Variants in CCDC112 observed in about 807,000 individuals in gnomAD.
The protein encoded by CCDC112 is coiled-coil domain containing 112.
CCDC112 carries 40 observed loss-of-function variants against 66.3 expected under a neutral mutation model. The ratio of observed to expected loss-of-function variants is 0.60; its 90% CI spans 0.47 to 0.79. The LOEUF (loss-of-function observed/expected upper bound fraction) is 0.79. CCDC112 is among the 30% of genes least tolerant of loss of function. CCDC112 has a pLI of 0.00. For synonymous variants in CCDC112, 214 were observed against 197.2 expected (o/e 1.09, Z -0.71); for missense variants, 659 against 603.8 (o/e 1.09, Z -0.96).
At chr5:115,276,470 T>A (rs1241344659) in intron 4 of CCDC112, among the ~76,000 whole-genome samples, 1 of 152,170 alleles carries the variant, frequency 6.6e-6, no homozygotes, top group Admixed American at 6.5e-5. Flanking sequence ...GGTAGGGATA[T>A]AATTTGTGGG....
intron 2 of CCDC112, 69 bp from the exon 3 acceptor site, chr5:115,279,837 C>A: frequency 1.2e-6 from 1 of 836,518 alleles, no homozygotes; most frequent in Non-Finnish European, 1.8e-6. Flanking sequence ...AATATGAAGA[C>A]ACTCAATAAT....
chr5:115,270,210 G>C (rs1289119143), intron 7 of CCDC112, among the ~76,000 whole-genome samples: 1 of 151,858 alleles, frequency 6.6e-6, no homozygotes, highest in African/African-American at 2.4e-5. Context: ...TGTTACTTAG[G>C]AAGATTTTTA....
Position 115,296,605 on chromosome 5 carries a change from G to T in CCDC112, c.-62C>A. On this transcript the variant is annotated 5_prime_UTR_variant, in exon 1 of 10. Transcript: ENST00000379611. ...CGGTGCCTGGGGATTCGTGGCAGGC[G>T]CACCCTGGCCTCTGCAGACAGCTCC... is the stretch of plus-strand genomic sequence containing the variant. 6 of 1,401,798 alleles carry T rather than the reference G, an allele frequency of 4.3e-6. No individual in the cohort carries two copies. Among genetic ancestry groups the T allele is most frequent in the Non-Finnish European group, 5.5e-6 (6 of 1,081,900 alleles). The allele number at this position is 1,401,798 out of a possible 1,614,324, so 86.8% of individuals were successfully genotyped here.
chr5:115,290,754 A>AT (rs1427122491), intron 1 of CCDC112, among the ~76,000 whole-genome samples: 1 of 151,986 alleles, frequency 6.6e-6, no homozygotes, highest in Admixed American at 6.6e-5. Flanking sequence ...TATCAATGGT[A>AT]TTTTTTCTTA....
At chr5:115,285,567 A>G (rs898689117) in intron 1 of CCDC112, among the ~76,000 whole-genome samples, 3 of 152,074 alleles carry the variant, frequency 2.0e-5, no homozygotes, top group Admixed American at 6.5e-5. Flanking sequence ...AGAAAGGCCA[A>G]TTGTGTCATG....
At chr5:115,276,669 A>G (rs1293086372) in intron 4 of CCDC112, among the ~76,000 whole-genome samples, 2 of 152,072 alleles carry the variant, frequency 1.3e-5, no homozygotes, top group Admixed American at 6.6e-5. Flanking sequence ...TAGATTCCCA[A>G]TCCTGTAAAT....
In CCDC112 at chr5:115,267,890, G is replaced by A. The variant is rs1390923279; in HGVS notation, c.1576C>T (p.Gln526Ter). Residue 526 changes from glutamine (Q) to a stop codon, truncating the protein, a stop_gained, in exon 10 of 10, where the codon CAG (glutamine) becomes TAG (stop). Coordinates refer to ENST00000379611, the MANE Select transcript of CCDC112 (RefSeq NM_001040440.3). LOFTEE classifies it high-confidence loss of function. ...RAIPTWRQGI[Q>*]RRV Reference sequence around the variant, plus strand: ...ATTTGATTATCTCATACTCTTCTCTGTATTCCTTGTCTCCAGGTTGGAATA... The same window carrying A: ...ATTTGATTATCTCATACTCTTCTCTATATTCCTTGTCTCCAGGTTGGAATA... 33 of 1,610,958 alleles carry A rather than the reference G, an allele frequency of 2.0e-5. No homozygotes were observed. The highest frequency in any genetic ancestry group is 2.7e-5 in the African/African-American group (2 of 74,826).
chr5:115,290,282 TCTGCCCATAAAA>T lies in CCDC112; in HGVS notation c.118-5386_118-5375del, dbSNP rs376403799. ...TGTCTTGGCACCCTTTTGAAAATCA[TCTGCCCATAAAA>T]CTGTAGGTGTATGTCTTGACTCTCA... On this transcript the variant is annotated intron_variant, in intron 1 of 9. Transcript: ENST00000379611. Among the ~76,000 whole-genome samples the T allele has an allele frequency of 4.3e-3, 659 of 152,308 alleles. 7 individuals carry two copies. Among genetic ancestry groups the T allele is most frequent in the African/African-American group, 0.015 (633 of 41,534 alleles).
At chr5:115,272,179 T>C (rs1749033051) in intron 6 of CCDC112, among the ~76,000 whole-genome samples, 1 of 152,136 alleles carries the variant, frequency 6.6e-6, no homozygotes, top group African/African-American at 2.4e-5. Context: ...CACCTTGGCC[T>C]CCCAAAGTGC....
chr5:115,267,244 A>C lies in CCDC112; in HGVS notation c.*632T>G, dbSNP rs544585029. 6.6e-6 allele frequency: 1 copy of C among 152,374 alleles called. No homozygotes were observed. Among genetic ancestry groups the C allele is most frequent in the East Asian group, 1.9e-4 (1 of 5,192 alleles). The allele number at this position is 152,374 out of a possible 1,614,324, so 9.4% of individuals were successfully genotyped here. A position where few individuals can be genotyped will look rare whatever the true frequency, so the allele number is the denominator to read the frequency against. On this transcript the variant is annotated 3_prime_UTR_variant, in exon 10 of 10. Transcript: ENST00000379611. Reference sequence around the variant, plus strand: ...GTGAAATCCAGAAAGGCTGAAGGAAAATTTGGAATTGCTGAAGGAAACCAA... The same window carrying C: ...GTGAAATCCAGAAAGGCTGAAGGAACATTTGGAATTGCTGAAGGAAACCAA...
At chr5:115,274,262 T>TA (rs1448876465) in intron 6 of CCDC112, among the ~76,000 whole-genome samples, 1 of 152,182 alleles carries the variant, frequency 6.6e-6, no homozygotes, top group Non-Finnish European at 1.5e-5. Flanking sequence ...TGCCATCCTA[T>TA]AATGCACAGA....
At chr5:115,277,150 C>A in intron 3 of CCDC112, 96 bp from the exon 4 acceptor site, 8 of 664,468 alleles carry the variant, frequency 1.2e-5, no homozygotes, top group South Asian at 3.6e-5. Flanking sequence ...TTAGTAAAAG[C>A]CAAGAGCAAT....
chr5:115,295,816 C>G (rs907895278), intron 1 of CCDC112: 2 of 846,978 alleles, frequency 2.4e-6, no homozygotes, highest in Non-Finnish European at 2.8e-6. Flanking sequence ...AAAAATAAAA[C>G]CAGAAACAGG....
intron 6 of CCDC112, 27 bp downstream of exon 6, chr5:115,275,189 A>G (rs1304619153): frequency 1.3e-6 from 2 of 1,520,456 alleles, no homozygotes; most frequent in Non-Finnish European, 8.9e-7. Flanking sequence ...GAAACACAGA[A>G]TGAATAATAG....
intron 1 of CCDC112, among the ~76,000 whole-genome samples, chr5:115,287,012 T>G (rs1324869529): frequency 6.6e-6 from 1 of 152,184 alleles, no homozygotes. Flanking sequence ...ATACGACTTG[T>G]AAATATATCC....
chr5:115,285,146 A>G (rs899857296), intron 1 of CCDC112, among the ~76,000 whole-genome samples: 3 of 152,196 alleles, frequency 2.0e-5, no homozygotes, highest in Admixed American at 6.5e-5. Flanking sequence ...ATTATTTGCA[A>G]AATGATCTAA....
chr5:115,285,760 A>G (rs975490602), intron 1 of CCDC112, among the ~76,000 whole-genome samples: 7 of 151,992 alleles, frequency 4.6e-5, no homozygotes, highest in South Asian at 2.1e-4. Flanking sequence ...TTTGGAGAGG[A>G]AATTGATGGG....
Position 115,296,534 on chromosome 5 carries a change from G to A in CCDC112, c.10C>T (p.Leu4=). The change falls in exon 1 of 10, where the codon CTG becomes TTG. Residue 4 remains leucine (L), a synonymous_variant. Coordinates refer to ENST00000379611, the MANE Select transcript of CCDC112 (RefSeq NM_001040440.3). MAA[L]TTVVVAAAAT... Reference sequence around the variant, plus strand: ...GCAGCCGCTACCACAACCGTCGTCAGTGCGGCCATGTTTACCCGCCGAGCT... The same window carrying A: ...GCAGCCGCTACCACAACCGTCGTCAATGCGGCCATGTTTACCCGCCGAGCT... The A allele has an allele frequency of 1.3e-6, 2 of 1,512,298 alleles. No homozygotes were observed. Among genetic ancestry groups the A allele is most frequent in the East Asian group, 5.4e-5 (2 of 36,844 alleles). 93.7% of individuals were successfully genotyped at this position (1,512,298 alleles called of 1,614,324 possible). A position where few individuals can be genotyped will look rare whatever the true frequency, so the allele number is the denominator to read the frequency against.
At chr5:115,288,747 T>C (rs1044162330) in intron 1 of CCDC112, among the ~76,000 whole-genome samples, 5 of 152,196 alleles carry the variant, frequency 3.3e-5, no homozygotes, top group Admixed American at 3.3e-4. Flanking sequence ...CCTCCCATAA[T>C]TGAATATTCC....
Sources: gnomAD v4.1 joint callset for allele counts (sites outside exome capture counted in the v4.1 genomes callset) on GRCh38, gnomAD v4.1.1 for gene constraint, MANE v1.5 for transcripts, NCBI Gene and HGNC (gene_info 2026-07-23, HGNC 2026-07-21) for gene names.